Variants in GNAQ observed in about 807,000 individuals in gnomAD.
The protein encoded by GNAQ is G protein subunit alpha q, also known as guanine nucleotide-binding protein G(q) subunit alpha.
GNAQ carries 8 observed loss-of-function variants against 43.9 expected under a neutral mutation model. The ratio of observed to expected loss-of-function variants is 0.18; its 90% CI spans 0.11 to 0.33. GNAQ has a LOEUF of 0.33. GNAQ is among the 10% of genes least tolerant of loss of function. GNAQ has a pLI of 1.00. For synonymous variants in GNAQ, 155 were observed against 170.7 expected (o/e 0.91, Z 0.71); for missense variants, 158 against 450.8 (o/e 0.35, Z 5.88).
At chr9:77,839,094 C>A (rs951590481) in intron 2 of GNAQ, among the ~76,000 whole-genome samples, 1 of 152,152 alleles carries the variant, frequency 6.6e-6, no homozygotes, top group East Asian at 1.9e-4. Flanking sequence ...CCAGTAGAAC[C>A]CTTCACTTCT....
At chr9:77,756,238 T>C (rs1295026332) in intron 5 of GNAQ, among the ~76,000 whole-genome samples, 1 of 152,240 alleles carries the variant, frequency 6.6e-6, no homozygotes, top group Non-Finnish European at 1.5e-5. Context: ...CTCCCCGTTA[T>C]GTATACATCT....
chr9:77,801,595 G>A (rs1275706044), intron 3 of GNAQ, among the ~76,000 whole-genome samples: 1 of 152,174 alleles, frequency 6.6e-6, no homozygotes, highest in Non-Finnish European at 1.5e-5. Context: ...GAATAATAGA[G>A]AGAAAGGCTC....
chr9:77,778,947 A>G (rs1183101530), intron 5 of GNAQ, among the ~76,000 whole-genome samples: 2 of 152,018 alleles, frequency 1.3e-5, no homozygotes, highest in South Asian at 2.1e-4. Flanking sequence ...TGATAGAAGG[A>G]AAACAGATAA....
intron 5 of GNAQ, among the ~76,000 whole-genome samples, chr9:77,743,286 CAAAA>C (rs141984612): frequency 6.6e-6 from 1 of 151,448 alleles, no homozygotes; most frequent in Non-Finnish European, 1.5e-5. Context: ...AACAAACAAA[CAAAA>C]AAAACAAACA....
At chr9:78,013,964 C>CA (rs1301808809) in intron 1 of GNAQ, among the ~76,000 whole-genome samples, 1 of 152,088 alleles carries the variant, frequency 6.6e-6, no homozygotes, top group Non-Finnish European at 1.5e-5. Flanking sequence ...AAAAAAATTT[C>CA]CCTCCCATGC....
intron 1 of GNAQ, among the ~76,000 whole-genome samples, chr9:77,997,929 C>T (rs763552569): frequency 6.6e-6 from 1 of 152,192 alleles, no homozygotes; most frequent in Non-Finnish European, 1.5e-5. Context: ...ACATCAGGTG[C>T]CTTGGGCCAA....
chr9:77,787,899 G>A (rs528270887), intron 5 of GNAQ, among the ~76,000 whole-genome samples: 33 of 152,148 alleles, frequency 2.2e-4, no homozygotes, highest in African/African-American at 7.2e-4. Flanking sequence ...GCATGGTGGC[G>A]CGTGCCTGTA....
chr9:77,901,903 C>T (rs184446582), intron 2 of GNAQ, among the ~76,000 whole-genome samples: 1 of 152,324 alleles, frequency 6.6e-6, no homozygotes, highest in Admixed American at 6.5e-5. Flanking sequence ...GCTGTGTCCT[C>T]ACTGAGTAGA....
chr9:77,823,697 C>A (rs1342678523), intron 2 of GNAQ, among the ~76,000 whole-genome samples: 4 of 152,056 alleles, frequency 2.6e-5, no homozygotes, highest in Non-Finnish European at 4.4e-5. Flanking sequence ...GCGGGAGGTG[C>A]CACACACTTT....
intron 5 of GNAQ, among the ~76,000 whole-genome samples, chr9:77,758,098 G>A (rs1361117176): frequency 6.6e-6 from 1 of 152,190 alleles, no homozygotes; most frequent in Non-Finnish European, 1.5e-5. Context: ...AGTTTATCTG[G>A]AAACCTCAAG....
chr9:77,734,452 CAGTT>C (rs1451988147), intron 5 of GNAQ, among the ~76,000 whole-genome samples: 7 of 152,056 alleles, frequency 4.6e-5, no homozygotes, highest in Non-Finnish European at 8.8e-5. Flanking sequence ...GCAAACAAGA[CAGTT>C]AAGAAATAAA....
At chr9:77,763,133 C>A (rs1045907986) in intron 5 of GNAQ, among the ~76,000 whole-genome samples, 3 of 67,792 alleles carry the variant, frequency 4.4e-5, no homozygotes, top group African/African-American at 4.8e-5. Context: ...AATAAACAAA[C>A]AAACAAACAA....
At chr9:77,882,346 T>C (rs189874176) in intron 2 of GNAQ, among the ~76,000 whole-genome samples, 1 of 152,282 alleles carries the variant, frequency 6.6e-6, no homozygotes, top group Non-Finnish European at 1.5e-5. Flanking sequence ...ATAACCCAAA[T>C]TGAACCCAGA....
Position 78,031,251 on chromosome 9 carries a change from C to G in GNAQ, c.-16G>C, listed in dbSNP as rs762684772. ...CCAGAGTCATTCTTCCAAAGTGCCT[C>G]CGCTGCAGCCCCGCCGGCACCCCCT... On this transcript the variant is annotated 5_prime_UTR_variant, in exon 1 of 7. Transcript: ENST00000286548. 2.0e-6 allele frequency: 3 copies of G among 1,479,228 alleles called. No homozygotes were observed. Among genetic ancestry groups the G allele is most frequent in the Non-Finnish European group, 2.7e-6 (3 of 1,103,490 alleles). The allele number at this position is 1,479,228 out of a possible 1,614,324, so 91.6% of individuals were successfully genotyped here. A position where few individuals can be genotyped will look rare whatever the true frequency, so the allele number is the denominator to read the frequency against.
chr9:77,986,331 T>G (rs1056791110), intron 1 of GNAQ, among the ~76,000 whole-genome samples: 2 of 152,192 alleles, frequency 1.3e-5, no homozygotes, highest in African/African-American at 4.8e-5. Flanking sequence ...TGGTCCAGAT[T>G]CAGATTTGAC....
chr9:77,929,972 G>A (rs1215562192), intron 1 of GNAQ, among the ~76,000 whole-genome samples: 1 of 152,138 alleles, frequency 6.6e-6, no homozygotes, highest in Non-Finnish European at 1.5e-5. Flanking sequence ...ATAAAGATGT[G>A]TGATAATTTA....
At chr9:77,805,002 G>A (rs1349311569) in intron 3 of GNAQ, among the ~76,000 whole-genome samples, 1 of 151,944 alleles carries the variant, frequency 6.6e-6, no homozygotes, top group Non-Finnish European at 1.5e-5. Flanking sequence ...AGAGAAATCA[G>A]AAACACACAG....
intron 1 of GNAQ, among the ~76,000 whole-genome samples, chr9:77,998,732 T>C (rs1420140418): frequency 1.3e-5 from 2 of 152,184 alleles, no homozygotes; most frequent in Non-Finnish European, 2.9e-5. Flanking sequence ...TTAGTATTTT[T>C]TATACTATGT....
chr9:78,019,258 G>A (rs900834213), intron 1 of GNAQ, among the ~76,000 whole-genome samples: 11 of 152,202 alleles, frequency 7.2e-5, no homozygotes, highest in Non-Finnish European at 1.6e-4. Flanking sequence ...ACTACAAGAA[G>A]TGGTATGTGC....
Sources: gnomAD v4.1 joint callset for allele counts (sites outside exome capture counted in the v4.1 genomes callset) on GRCh38, gnomAD v4.1.1 for gene constraint, MANE v1.5 for transcripts, NCBI Gene and HGNC (gene_info 2026-07-23, HGNC 2026-07-21) for gene names.